KCNMB4: variants seen among roughly 807,000 people sequenced by gnomAD.
The protein encoded by KCNMB4 is calcium-activated potassium channel subunit beta-4.
KCNMB4 carries 3 observed loss-of-function variants against 20.7 expected under a neutral mutation model. The ratio of observed to expected loss-of-function variants is 0.14; its 90% confidence interval spans 0.07 to 0.37. The LOEUF (loss-of-function observed/expected upper bound fraction) is 0.37. KCNMB4 is among the 10% of genes least tolerant of loss of function. The pLI, the probability that KCNMB4 is intolerant of heterozygous loss-of-function variation, is 1.00. For synonymous variants in KCNMB4, 110 were observed against 113.4 expected (o/e 0.97, Z 0.19); for missense variants, 168 against 265.9 (o/e 0.63, Z 2.56).
At chr12:70,402,582 G>GCAA (rs973404523) in intron 2 of KCNMB4, among the ~76,000 whole-genome samples, 1 of 147,812 alleles carries the variant, frequency 6.8e-6, no homozygotes, top group African/African-American at 2.5e-5. Flanking sequence ...TAAGCCTTGG[G>GCAA]AGGTTGAGGC....
chr12:70,431,087 G>T lies in KCNMB4; in HGVS notation c.*434G>T, dbSNP rs1454878852. 2 of 151,998 alleles carry T rather than the reference G, an allele frequency of 1.3e-5. No homozygotes were observed. The highest frequency in any genetic ancestry group is 1.3e-4 in the Admixed American group (2 of 15,260). The allele number at this position is 151,998 out of a possible 1,614,324, so 9.4% of individuals were successfully genotyped here. On this transcript the variant is annotated 3_prime_UTR_variant, in exon 3 of 3. Coordinates refer to ENST00000258111, the MANE Select transcript of KCNMB4 (RefSeq NM_014505.6). ...AAAAAAAAAAAGGTGAGGACATCTG[G>T]GTCTCATTTGCTTCTGCTAGGTTAA...
chr12:70,382,784 A>G (rs926874920), intron 1 of KCNMB4, among the ~76,000 whole-genome samples: 3 of 152,242 alleles, frequency 2.0e-5, no homozygotes, highest in African/African-American at 7.2e-5. Context: ...ATGCGTAGGC[A>G]GTTCAGTAAA....
At chr12:70,367,636 A>G (rs1001000772) in intron 1 of KCNMB4, among the ~76,000 whole-genome samples, 6 of 152,096 alleles carry the variant, frequency 3.9e-5, no homozygotes, top group African/African-American at 1.2e-4. Flanking sequence ...CCGGAATCAA[A>G]TGTGGAATAT....
intron 2 of KCNMB4, among the ~76,000 whole-genome samples, chr12:70,410,079 A>G (rs537214387): frequency 6.6e-6 from 1 of 152,204 alleles, no homozygotes; most frequent in South Asian, 2.1e-4. Flanking sequence ...GGACACCTTC[A>G]CCTTTTTTAC....
At chr12:70,419,064 C>T (rs753026903) in intron 2 of KCNMB4, among the ~76,000 whole-genome samples, 1 of 152,120 alleles carries the variant, frequency 6.6e-6, no homozygotes, top group East Asian at 1.9e-4. Flanking sequence ...CTATCCAGCC[C>T]GGGCTTGCTT....
intron 1 of KCNMB4, among the ~76,000 whole-genome samples, chr12:70,368,083 A>C (rs1488613497): frequency 6.6e-6 from 1 of 152,102 alleles, no homozygotes; most frequent in African/African-American, 2.4e-5. Flanking sequence ...TAACTATCAA[A>C]GGTATGTATC....
chr12:70,403,576 C>T (rs566350203), intron 2 of KCNMB4, among the ~76,000 whole-genome samples: 5 of 152,280 alleles, frequency 3.3e-5, no homozygotes, highest in African/African-American at 1.2e-4. Flanking sequence ...TCAGGCGATC[C>T]TCCCATCTTG....
chr12:70,377,637 T>A (rs1426298297), intron 1 of KCNMB4, among the ~76,000 whole-genome samples: 4 of 152,192 alleles, frequency 2.6e-5, no homozygotes, highest in Non-Finnish European at 5.9e-5. Flanking sequence ...ACAAAATGTT[T>A]CTCTGTTGCA....
At chr12:70,425,297 G>T (rs1171914820) in intron 2 of KCNMB4, among the ~76,000 whole-genome samples, 1 of 151,982 alleles carries the variant, frequency 6.6e-6, no homozygotes, top group Non-Finnish European at 1.5e-5. Flanking sequence ...AATTAGCCAG[G>T]TGTGGTGGTG....
chr12:70,425,437 C>CA (rs1391275828), intron 2 of KCNMB4, among the ~76,000 whole-genome samples: 4 of 151,946 alleles, frequency 2.6e-5, no homozygotes, highest in Non-Finnish European at 4.4e-5. Flanking sequence ...GACCCCATCT[C>CA]AAAAAAACAA....
chr12:70,384,417 T>TA (rs1206124035), intron 1 of KCNMB4, among the ~76,000 whole-genome samples: 1 of 152,192 alleles, frequency 6.6e-6, no homozygotes, highest in Non-Finnish European at 1.5e-5. Flanking sequence ...ACTACCTTCT[T>TA]ACAAAACCAT....
intron 1 of KCNMB4, among the ~76,000 whole-genome samples, chr12:70,378,872 C>T (rs556971497): frequency 2.0e-5 from 3 of 152,194 alleles, no homozygotes; most frequent in East Asian, 3.9e-4. Flanking sequence ...ACATGAAAGT[C>T]GAACTTACTC....
Position 70,414,715 on chromosome 12 carries a change from C to A in KCNMB4, c.464+14379C>A, listed in dbSNP as rs1593343997. On this transcript the variant is annotated intron_variant, in intron 2 of 2. Transcript: ENST00000258111. The stretch of plus-strand genomic sequence containing the variant: ...GAGCTTATACTTAATTAAATTTGCT[C>A]TCCCAACATTTGATTTATACATGCT... Among the ~76,000 whole-genome samples the A allele has an allele frequency of 2.6e-5, 4 of 152,278 alleles. No homozygotes were observed. In the South Asian group the frequency reaches 8.3e-4, roughly 32 times the overall value.
chr12:70,424,721 G>A (rs183563647), intron 2 of KCNMB4, among the ~76,000 whole-genome samples: 1 of 152,102 alleles, frequency 6.6e-6, no homozygotes, highest in East Asian at 1.9e-4. Flanking sequence ...CTGCACTCCA[G>A]CCTGGGCGAC....
chr12:70,418,394 G>A (rs75385279), intron 2 of KCNMB4, among the ~76,000 whole-genome samples: 24 of 151,584 alleles, frequency 1.6e-4, no homozygotes, highest in African/African-American at 5.3e-4. Flanking sequence ...TTGTTAAAGT[G>A]ATCTTTCAAA....
chr12:70,429,031 G>C (rs919784787), intron 2 of KCNMB4, among the ~76,000 whole-genome samples: 1 of 152,188 alleles, frequency 6.6e-6, no homozygotes, highest in Non-Finnish European at 1.5e-5. Context: ...CAAGGATTTT[G>C]TAATTTCAAA....
At chr12:70,414,985 G>A (rs1391848728) in intron 2 of KCNMB4, among the ~76,000 whole-genome samples, 1 of 152,012 alleles carries the variant, frequency 6.6e-6, no homozygotes, top group African/African-American at 2.4e-5. Context: ...CCAAGTTATC[G>A]ATAAAAATGC....
At chr12:70,371,317 G>C (rs939070315) in intron 1 of KCNMB4, among the ~76,000 whole-genome samples, 2 of 152,200 alleles carry the variant, frequency 1.3e-5, no homozygotes, top group Admixed American at 6.5e-5. Context: ...TAAGGCTTCA[G>C]GCATTACGTT....
chr12:70,404,007 T>G (rs1229737575), intron 2 of KCNMB4, among the ~76,000 whole-genome samples: 1 of 152,206 alleles, frequency 6.6e-6, no homozygotes, highest in Non-Finnish European at 1.5e-5. Flanking sequence ...CATATGCATA[T>G]GCACATATAA....
Sources: gnomAD v4.1 joint callset for allele counts (sites outside exome capture counted in the v4.1 genomes callset) on GRCh38, gnomAD v4.1.1 for gene constraint, MANE v1.5 for transcripts, NCBI Gene and HGNC (gene_info 2026-07-23, HGNC 2026-07-21) for gene names.